Variants in UNC45B observed in about 807,000 individuals in gnomAD.
UNC45B encodes protein unc-45 homolog B.
UNC45B carries 78 observed loss-of-function variants against 98.7 expected under a neutral mutation model. The observed-to-expected ratio is 0.79, with a 90% CI of 0.66 to 0.95. The LOEUF (loss-of-function observed/expected upper bound fraction) is 0.95, where lower values mean the gene tolerates loss of function less well. Among genes scored for constraint, UNC45B ranks in the 40% least tolerant of loss-of-function variants. UNC45B has a pLI of 0.00. For synonymous variants in UNC45B, 462 were observed against 480.4 expected, an observed-to-expected ratio of 0.96 and a Z score of 0.50; for missense variants, 1,225 against 1,184.9, an observed-to-expected ratio of 1.03 and a Z score of -0.50.
chr17:35,171,746 T>C (rs1424158518), intron 13 of UNC45B, among the ~76,000 whole-genome samples: 5 of 152,256 alleles, frequency 3.3e-5, no homozygotes, highest in Non-Finnish European at 7.3e-5. Context: ...TTGTTGATTT[T>C]ATGGATAAAA....
In UNC45B at chr17:35,189,023, G is replaced by C. The variant is rs1405352401; in HGVS notation, c.*2464G>C. 4 of 152,022 alleles carry C rather than the reference G, an allele frequency of 2.6e-5. No individual in the cohort carries two copies. The highest frequency in any genetic ancestry group is 7.2e-5 in the African/African-American group (3 of 41,392). The allele number at this position is 152,022 out of a possible 1,614,324, so 9.4% of individuals were successfully genotyped here. A position where few individuals can be genotyped will look rare whatever the true frequency, so the allele number is the denominator to read the frequency against. ...TATTGAGGTAGTTTGCCCAAAAACAGCAAGGAACAGCCAATACCTGCCAAC... is the reference window on the plus strand; with the variant it reads ...TATTGAGGTAGTTTGCCCAAAAACACCAAGGAACAGCCAATACCTGCCAAC... On this transcript the variant is annotated 3_prime_UTR_variant, in exon 20 of 20. Coordinates refer to ENST00000394570, the MANE Select transcript of UNC45B (RefSeq NM_001267052.2).
rs915935567 is a variant in UNC45B, at chr17:35,187,291, A to C, written c.*732A>C. 6.6e-6 allele frequency: 1 copy of C among 152,202 alleles called. No homozygotes were observed. Among genetic ancestry groups the C allele is most frequent in the Non-Finnish European group, 1.5e-5 (1 of 68,032 alleles). The allele number at this position is 152,202 out of a possible 1,614,324, so 9.4% of individuals were successfully genotyped here. A position where few individuals can be genotyped will look rare whatever the true frequency, so the allele number is the denominator to read the frequency against. ...ATTGTTAGTTAGATCCAGAGTTTCA[A>C]ATGTCATCACCATGGATGTGTCTTT... On this transcript the variant is annotated 3_prime_UTR_variant, in exon 20 of 20. Transcript: ENST00000394570.
chr17:35,148,206 C>A, intron 1 of UNC45B, 58 bp from the exon 2 acceptor site: 1 of 1,593,974 alleles, frequency 6.3e-7, no homozygotes, highest in Admixed American at 1.7e-5. Context: ...AGGCCAGGAG[C>A]CCAGCCCTGG....
At chr17:35,180,232 T>A (rs2092263806) in intron 17 of UNC45B, among the ~76,000 whole-genome samples, 1 of 149,604 alleles carries the variant, frequency 6.7e-6, no homozygotes, top group African/African-American at 2.5e-5. Flanking sequence ...CCTTCACATC[T>A]TCTTGGATCT....
chr17:35,148,166 G>C, intron 1 of UNC45B, 98 bp from the exon 2 acceptor site: 1 of 1,374,264 alleles, frequency 7.3e-7, no homozygotes, highest in Non-Finnish European at 1.0e-6. Context: ...ATCCTCTCTG[G>C]TGTGAGGGGA....
intron 8 of UNC45B, among the ~76,000 whole-genome samples, chr17:35,162,412 G>T (rs939737045): frequency 6.6e-6 from 1 of 152,164 alleles, no homozygotes; most frequent in African/African-American, 2.4e-5. Context: ...TTTCCTTTAA[G>T]TGGTAAAATG....
chr17:35,171,183 G>A (rs1347423575), intron 12 of UNC45B, 139 bp from the exon 13 acceptor site: 2 of 1,088,750 alleles, frequency 1.8e-6, no homozygotes, highest in African/African-American at 1.6e-5. Context: ...CTGCGCTGCT[G>A]TCTTTCCTCA....
intron 7 of UNC45B, among the ~76,000 whole-genome samples, chr17:35,156,952 T>A (rs1027860279): frequency 2.6e-5 from 4 of 152,196 alleles, no homozygotes; most frequent in African/African-American, 9.7e-5. Context: ...TAATTTTACA[T>A]TTGTTTCCTG....
rs1393907171 is a variant in UNC45B at position 35,187,147 on chromosome 17, G to C, written c.*588G>C. On this transcript the variant is annotated 3_prime_UTR_variant, in exon 20 of 20. Transcript: ENST00000394570. ...GGCATGACCTCTGCAATTTGCTTGGGAAAGTCTTCCAAGCAAGATGGACAT... is the reference window on the plus strand; with the variant it reads ...GGCATGACCTCTGCAATTTGCTTGGCAAAGTCTTCCAAGCAAGATGGACAT... 6.5e-6 allele frequency: 1 copy of C among 152,926 alleles called. No individual in the cohort carries two copies. The highest frequency in any genetic ancestry group is 6.5e-5 in the Admixed American group (1 of 15,304). The allele number at this position is 152,926 out of a possible 1,614,324, so 9.5% of individuals were successfully genotyped here. A position where few individuals can be genotyped will look rare whatever the true frequency, so the allele number is the denominator to read the frequency against.
Position 35,186,658 on chromosome 17 carries a change from A to C in UNC45B, c.*99A>C. The C allele has an allele frequency of 1.5e-6, 2 of 1,373,664 alleles. No homozygotes were observed. The highest frequency in any genetic ancestry group is 2.0e-6 in the Non-Finnish European group (2 of 1,002,262). 85.1% of individuals were successfully genotyped at this position (1,373,664 alleles called of 1,614,324 possible). ...AGTCAGGTCATCTAGGGATCATAGC[A>C]GTGACAATGAAGTCTCAATATAAAG... On this transcript the variant is annotated 3_prime_UTR_variant, in exon 20 of 20. Transcript: ENST00000394570.
At chr17:35,180,471 T>G (rs1209880286) in intron 17 of UNC45B, 88 bp from the exon 18 acceptor site, 4 of 985,710 alleles carry the variant, frequency 4.1e-6, no homozygotes, top group Non-Finnish European at 6.2e-6. Context: ...AGCACCAGAA[T>G]GGAAGAATGG....
intron 9 of UNC45B, among the ~76,000 whole-genome samples, chr17:35,167,407 G>A (rs1170620687): frequency 1.3e-5 from 2 of 152,166 alleles, no homozygotes; most frequent in Non-Finnish European, 2.9e-5. Context: ...ATCATCTGAG[G>A]CCAGGAGTTT....
intron 7 of UNC45B, among the ~76,000 whole-genome samples, chr17:35,158,546 C>T (rs559226580): frequency 1.3e-5 from 2 of 152,276 alleles, no homozygotes; most frequent in East Asian, 3.9e-4. Context: ...CACAATCTTC[C>T]ATGACTTCCT....
At chr17:35,168,466 G>T in intron 10 of UNC45B, 105 bp downstream of exon 10, 5 of 1,015,118 alleles carry the variant, frequency 4.9e-6, no homozygotes, top group Non-Finnish European at 3.9e-6. Flanking sequence ...AGGAGACCAG[G>T]TTCAAGGGGG....
chr17:35,155,762 G>T (rs187461183), intron 7 of UNC45B, among the ~76,000 whole-genome samples: 5 of 152,214 alleles, frequency 3.3e-5, no homozygotes, highest in East Asian at 1.9e-4. Context: ...TAGAGACAGG[G>T]TTTCTTCATG....
At chr17:35,169,442 G>A (rs185448963) in intron 10 of UNC45B, among the ~76,000 whole-genome samples, 2 of 152,260 alleles carry the variant, frequency 1.3e-5, no homozygotes, top group East Asian at 3.9e-4. Context: ...GTAAAATTTT[G>A]CACATCTGAA....
intron 7 of UNC45B, among the ~76,000 whole-genome samples, chr17:35,155,909 G>A (rs146089057): frequency 3.2e-4 from 48 of 152,278 alleles, no homozygotes; most frequent in African/African-American, 1.1e-3. Flanking sequence ...AACAGGCATA[G>A]CTGCAGTATT....
intron 2 of UNC45B, 71 bp from the exon 3 acceptor site, chr17:35,148,900 TGG>T: frequency 6.3e-7 from 1 of 1,589,314 alleles, no homozygotes; most frequent in Non-Finnish European, 8.6e-7. Context: ...CCCCACACTG[TGG>T]GGACACTCTC....
At chr17:35,166,217 T>G (rs10853175) in intron 9 of UNC45B, among the ~76,000 whole-genome samples, 118,489 of 151,536 alleles carry the variant, frequency 0.78, 46,538 homozygotes, top group East Asian at 0.95. Context: ...GCAATGAGCC[T>G]TGAATGCACT....
Sources: allele counts gnomAD v4.1 joint callset (sites outside exome capture counted in the v4.1 genomes callset), GRCh38; gene constraint gnomAD v4.1.1; transcripts MANE v1.5; gene names NCBI Gene and HGNC (gene_info 2026-07-23, HGNC 2026-07-21).